The following MSRB3 variants were observed in gnomAD, a reference collection of about 807,000 sequenced individuals.
MSRB3 encodes methionine-R-sulfoxide reductase B3.
Under a neutral mutation model 21.0 loss-of-function variants are expected in MSRB3, and 13 were observed. The observed-to-expected ratio is 0.62, with a 90% CI of 0.40 to 0.98. The LOEUF is 0.98. Among genes scored for constraint, MSRB3 ranks in the 50% least tolerant of loss-of-function variants. MSRB3 has a pLI of 0.00. For missense variants in MSRB3, 199 were observed against 230.3 expected (o/e 0.86, Z 0.88); for synonymous variants, 87 against 88.6 (o/e 0.98, Z 0.10).
At chr12:65,459,829 T>C (rs1201195832) in intron 6 of MSRB3, among the ~76,000 whole-genome samples, 1 of 152,218 alleles carries the variant, frequency 6.6e-6, no homozygotes, top group Admixed American at 6.5e-5. Flanking sequence ...AATTGAGAAC[T>C]GCAGTCAGAT....
At chr12:65,363,723 C>T (rs1404944561) in intron 4 of MSRB3, among the ~76,000 whole-genome samples, 7 of 152,072 alleles carry the variant, frequency 4.6e-5, no homozygotes, top group Admixed American at 3.9e-4. Flanking sequence ...TGGTGGCTCA[C>T]ACCTGTAATC....
intron 5 of MSRB3, among the ~76,000 whole-genome samples, chr12:65,411,997 C>G (rs963382473): frequency 7.9e-5 from 12 of 152,214 alleles, no homozygotes; most frequent in African/African-American, 2.9e-4. Context: ...ATATAGCTTA[C>G]TCAAGATCTC....
chr12:65,429,415 C>T (rs540461964), intron 5 of MSRB3, among the ~76,000 whole-genome samples: 2 of 152,112 alleles, frequency 1.3e-5, no homozygotes, highest in African/African-American at 4.8e-5. Flanking sequence ...GTTACGGCAA[C>T]CAAGAGAAGA....
chr12:65,465,028 G>T lies in MSRB3; in HGVS notation c.*1706G>T, dbSNP rs1234601324. The T allele has an allele frequency of 6.6e-6, 1 of 152,184 alleles. No homozygotes were observed. Among genetic ancestry groups the T allele is most frequent in the Non-Finnish European group, 1.5e-5 (1 of 68,034 alleles). The allele number at this position is 152,184 out of a possible 1,614,324, so 9.4% of individuals were successfully genotyped here. ...CAGTGTTGTAAAATTAAACTGATCT[G>T]GTTCTAATTGCCTCAAAGGCCAAAG... On this transcript the variant is annotated 3_prime_UTR_variant, in exon 7 of 7. Transcript: ENST00000308259.
At chr12:65,360,069 C>T (rs1244200759) in intron 4 of MSRB3, among the ~76,000 whole-genome samples, 1 of 151,936 alleles carries the variant, frequency 6.6e-6, no homozygotes, top group East Asian at 1.9e-4. Flanking sequence ...CTTCCCCTGG[C>T]CTTGTCTCTG....
chr12:65,373,128 C>T (rs1878414709), intron 5 of MSRB3, among the ~76,000 whole-genome samples: 1 of 152,162 alleles, frequency 6.6e-6, no homozygotes, highest in Admixed American at 6.6e-5. Flanking sequence ...CAGGAGTTGG[C>T]TCTGTCGCCA....
chr12:65,347,419 T>C (rs1447962066), intron 4 of MSRB3, among the ~76,000 whole-genome samples: 1 of 152,222 alleles, frequency 6.6e-6, no homozygotes, highest in Non-Finnish European at 1.5e-5. Flanking sequence ...TGCTTTTGAT[T>C]TTTGCACACT....
At chr12:65,446,466 G>A (rs569613385) in intron 5 of MSRB3, among the ~76,000 whole-genome samples, 7 of 152,106 alleles carry the variant, frequency 4.6e-5, no homozygotes, top group Non-Finnish European at 8.8e-5. Flanking sequence ...ATTATGATGC[G>A]TCAAATTTGT....
intron 5 of MSRB3, among the ~76,000 whole-genome samples, chr12:65,369,617 A>G (rs980996986): frequency 6.6e-6 from 1 of 152,170 alleles, no homozygotes; most frequent in African/African-American, 2.4e-5. Context: ...TAAGCATGAA[A>G]TGTAGCTATA....
intron 5 of MSRB3, among the ~76,000 whole-genome samples, chr12:65,430,017 A>T (rs537900155): frequency 6.6e-6 from 1 of 151,380 alleles, no homozygotes; most frequent in Non-Finnish European, 1.5e-5. Context: ...ATTTTACTAC[A>T]TTTTTTTTTC....
intron 4 of MSRB3, among the ~76,000 whole-genome samples, chr12:65,341,679 C>A (rs1343439451): frequency 1.3e-5 from 2 of 151,520 alleles, no homozygotes; most frequent in Non-Finnish European, 2.9e-5. Context: ...AAGTATATAC[C>A]TACTATATAT....
chr12:65,325,377 A>G (rs1874949785), intron 2 of MSRB3, among the ~76,000 whole-genome samples: 1 of 152,158 alleles, frequency 6.6e-6, no homozygotes, highest in African/African-American at 2.4e-5. Flanking sequence ...GGGCTGAAGT[A>G]TTTGTGGAAG....
At chr12:65,399,965 G>A (rs952084010) in intron 5 of MSRB3, among the ~76,000 whole-genome samples, 3 of 152,208 alleles carry the variant, frequency 2.0e-5, no homozygotes, top group Non-Finnish European at 4.4e-5. Context: ...CTTGATCATG[G>A]TGGGGAAGCT....
intron 6 of MSRB3, among the ~76,000 whole-genome samples, chr12:65,459,314 G>T (rs1409074507): frequency 1.3e-5 from 2 of 152,012 alleles, no homozygotes; most frequent in Non-Finnish European, 2.9e-5. Context: ...AGCAGTTTTT[G>T]GTAAAAACCC....
At position 65,465,106 on chromosome 12, in the gene MSRB3, G is replaced by A. The variant is rs555084400; in HGVS notation, c.*1784G>A. The A allele has an allele frequency of 2.0e-5, 3 of 152,332 alleles. No individual in the cohort carries two copies. The South Asian group carries it at 6.2e-4, about 32-fold the overall frequency. 9.4% of individuals were successfully genotyped at this position (152,332 alleles called of 1,614,324 possible). ...GAGAGGAGGCTGACTTAGCTGATTGGTATGGAAACAGTTGGGCCAAGAGCC... is the reference window on the plus strand; with the variant it reads ...GAGAGGAGGCTGACTTAGCTGATTGATATGGAAACAGTTGGGCCAAGAGCC... On this transcript the variant is annotated 3_prime_UTR_variant, in exon 7 of 7. Coordinates refer to ENST00000308259, the MANE Select transcript of MSRB3 (RefSeq NM_001031679.3).
At chr12:65,424,522 A>G (rs1159791276) in intron 5 of MSRB3, among the ~76,000 whole-genome samples, 1 of 151,820 alleles carries the variant, frequency 6.6e-6, no homozygotes, top group African/African-American at 2.4e-5. Context: ...ATTTTTGTGT[A>G]TTTCGAGATA....
intron 4 of MSRB3, among the ~76,000 whole-genome samples, chr12:65,356,536 G>A (rs1877394819): frequency 6.6e-6 from 1 of 151,826 alleles, no homozygotes; most frequent in East Asian, 1.9e-4. Context: ...CTTTAGTGGT[G>A]ATTTGTGGGA....
intron 4 of MSRB3, 86 bp from the exon 5 acceptor site, chr12:65,368,912 C>T: frequency 2.8e-6 from 2 of 710,140 alleles, no homozygotes; most frequent in Non-Finnish European, 4.9e-6. Flanking sequence ...ATTACCTCCC[C>T]TCCCAACCAC....
intron 6 of MSRB3, among the ~76,000 whole-genome samples, chr12:65,454,457 C>T (rs1296669407): frequency 6.6e-6 from 1 of 152,066 alleles, no homozygotes; most frequent in Non-Finnish European, 1.5e-5. Flanking sequence ...CATTATGTGG[C>T]TTTGAATAAC....
Sources: gnomAD v4.1 joint callset for allele counts (sites outside exome capture counted in the v4.1 genomes callset) on GRCh38, gnomAD v4.1.1 for gene constraint, MANE v1.5 for transcripts, NCBI Gene and HGNC (gene_info 2026-07-23, HGNC 2026-07-21) for gene names.